SLC49A4: variants seen among roughly 807,000 people sequenced by gnomAD.
The protein encoded by SLC49A4 is disrupted in renal cancer protein 2.
A neutral mutation model predicts 50.6 loss-of-function variants in SLC49A4; 36 were observed. That is an observed-to-expected ratio of 0.71 (90% CI 0.55 to 0.94). The LOEUF is 0.94. Among genes scored for constraint, SLC49A4 ranks in the 40% least tolerant of loss-of-function variants. The pLI is 0.00. For synonymous variants in SLC49A4, 248 were observed against 241.2 expected, an observed-to-expected ratio of 1.03 and a Z score of -0.26; for missense variants, 503 against 605.7, an observed-to-expected ratio of 0.83 and a Z score of 1.78.
chr3:122,831,015 C>T (rs1003894210), intron 3 of SLC49A4, among the ~76,000 whole-genome samples: 34 of 152,034 alleles, frequency 2.2e-4, no homozygotes, highest in African/African-American at 7.7e-4. Context: ...TCATCGAACA[C>T]ATGAAAGATA....
chr3:122,800,991 A>G (rs899004904), intron 1 of SLC49A4, among the ~76,000 whole-genome samples: 4 of 152,210 alleles, frequency 2.6e-5, no homozygotes, highest in African/African-American at 9.6e-5. Context: ...ACCAGTCAGC[A>G]TGGTTGTGTG....
intron 2 of SLC49A4, among the ~76,000 whole-genome samples, chr3:122,807,579 C>G (rs1180368682): frequency 6.6e-6 from 1 of 152,030 alleles, no homozygotes; most frequent in African/African-American, 2.4e-5. Context: ...GGTTATGATA[C>G]AGTATTATTT....
chr3:122,819,619 G>A (rs879753579), intron 2 of SLC49A4, among the ~76,000 whole-genome samples: 1 of 152,130 alleles, frequency 6.6e-6, no homozygotes, highest in Admixed American at 6.5e-5. Context: ...AGAAAACTGA[G>A]GCTGTGATAC....
intron 8 of SLC49A4, among the ~76,000 whole-genome samples, chr3:122,872,894 C>G (rs1276852780): frequency 6.6e-6 from 1 of 151,848 alleles, no homozygotes; most frequent in African/African-American, 2.4e-5. Context: ...CACCCCCACG[C>G]CTTACCCTAC....
Position 122,841,290 on chromosome 3 carries a change from G to A in SLC49A4, c.834-4473G>A, listed in dbSNP as rs552275176. On this transcript the variant is annotated intron_variant, in intron 4 of 8. Transcript: ENST00000261038. The stretch of plus-strand genomic sequence containing the variant: ...TCTGCTGTAGCAAATTGTAATTGCC[G>A]TTCATTGTGAAGTTTGCAACATGCC... 2.2e-4 allele frequency among the ~76,000 whole-genome samples: 33 copies of A among 152,202 alleles called. No homozygotes were observed. The East Asian group carries it at 5.0e-3, about 23-fold the overall frequency.
At chr3:122,815,401 T>C (rs1347102615) in intron 2 of SLC49A4, among the ~76,000 whole-genome samples, 1 of 152,180 alleles carries the variant, frequency 6.6e-6, no homozygotes, top group African/African-American at 2.4e-5. Flanking sequence ...TTTGTGTCAT[T>C]TCTAGCCATA....
chr3:122,801,297 T>C (rs1936124609), intron 1 of SLC49A4, among the ~76,000 whole-genome samples: 1 of 152,094 alleles, frequency 6.6e-6, no homozygotes, highest in African/African-American at 2.4e-5. Context: ...AGGCCATGGT[T>C]GAGGAATGGG....
chr3:122,800,365 T>A (rs1026998808), intron 1 of SLC49A4, among the ~76,000 whole-genome samples: 1 of 152,238 alleles, frequency 6.6e-6, no homozygotes, highest in African/African-American at 2.4e-5. Flanking sequence ...TGTGGTGAGT[T>A]TGAAATAAAA....
At chr3:122,804,174 G>C (rs577877103) in intron 1 of SLC49A4, among the ~76,000 whole-genome samples, 10 of 152,316 alleles carry the variant, frequency 6.6e-5, no homozygotes, top group Non-Finnish European at 1.3e-4. Context: ...GAAGGTGAAG[G>C]GGGAGCAGCC....
chr3:122,827,281 C>T (rs1936543856), intron 3 of SLC49A4, among the ~76,000 whole-genome samples: 1 of 152,130 alleles, frequency 6.6e-6, no homozygotes, highest in South Asian at 2.1e-4. Flanking sequence ...TTATTATTGC[C>T]ACATGGAGGG....
At chr3:122,842,678 C>G (rs1360302245) in intron 4 of SLC49A4, among the ~76,000 whole-genome samples, 1 of 152,092 alleles carries the variant, frequency 6.6e-6, no homozygotes, top group Non-Finnish European at 1.5e-5. Flanking sequence ...AAACAGTTAA[C>G]TTAAAATTGT....
At chr3:122,838,150 T>G (rs200489617) in intron 4 of SLC49A4, among the ~76,000 whole-genome samples, 2 of 151,544 alleles carry the variant, frequency 1.3e-5, no homozygotes, top group African/African-American at 4.8e-5. Context: ...GTCAGTGTGG[T>G]GATTCCTCAG....
chr3:122,838,982 C>G (rs1229110420), intron 4 of SLC49A4, among the ~76,000 whole-genome samples: 5 of 152,134 alleles, frequency 3.3e-5, no homozygotes, highest in Non-Finnish European at 7.4e-5. Flanking sequence ...TACCTGACTT[C>G]AAATTATACT....
At chr3:122,859,707 CT>C (rs1410757719) in intron 6 of SLC49A4, among the ~76,000 whole-genome samples, 1 of 151,974 alleles carries the variant, frequency 6.6e-6, no homozygotes, top group Non-Finnish European at 1.5e-5. Context: ...ATTAGCCCAG[CT>C]ACTCAGCAGG....
At chr3:122,805,160 C>G (rs1936197243) in intron 1 of SLC49A4, among the ~76,000 whole-genome samples, 1 of 152,086 alleles carries the variant, frequency 6.6e-6, no homozygotes, top group African/African-American at 2.4e-5. Flanking sequence ...ATTAATTGCA[C>G]TCTGTTTCCT....
chr3:122,830,946 G>A lies in SLC49A4; in HGVS notation c.704-2371G>A, dbSNP rs143253070. On this transcript the variant is annotated intron_variant, in intron 3 of 8. Coordinates refer to ENST00000261038, the MANE Select transcript of SLC49A4 (RefSeq NM_032839.3). Reference sequence around the variant, plus strand: ...TACAACTCAACAACAGAAAGACAACGCCATTAAGAAGTGGGTAAAGGACTC... The same window carrying A: ...TACAACTCAACAACAGAAAGACAACACCATTAAGAAGTGGGTAAAGGACTC... 8.4e-4 allele frequency among the ~76,000 whole-genome samples: 128 copies of A among 152,134 alleles called. No individual in the cohort carries two copies. In the East Asian group the frequency reaches 0.012, roughly 14 times the overall value.
chr3:122,876,908 T>TA (rs1433356545), intron 8 of SLC49A4, among the ~76,000 whole-genome samples: 1 of 152,162 alleles, frequency 6.6e-6, no homozygotes, highest in Non-Finnish European at 1.5e-5. Flanking sequence ...GACTGCTGTG[T>TA]AGTAGACAGT....
chr3:122,825,128 A>G (rs1936508894), intron 2 of SLC49A4, among the ~76,000 whole-genome samples: 1 of 152,130 alleles, frequency 6.6e-6, no homozygotes, highest in African/African-American at 2.4e-5. Context: ...AGACATAGTA[A>G]AGTTTACTCA....
chr3:122,807,965 T>G (rs944121708), intron 2 of SLC49A4, among the ~76,000 whole-genome samples: 5 of 152,152 alleles, frequency 3.3e-5, no homozygotes, highest in Non-Finnish European at 5.9e-5. Context: ...GGCTTGATTA[T>G]AAGGGGTAGA....
Sources: allele counts gnomAD v4.1 joint callset (sites outside exome capture counted in the v4.1 genomes callset), GRCh38; gene constraint gnomAD v4.1.1; transcripts MANE v1.5; gene names NCBI Gene and HGNC (gene_info 2026-07-23, HGNC 2026-07-21).